The following ELP4 variants were observed in gnomAD, a reference collection of about 807,000 sequenced individuals.
The protein encoded by ELP4 is elongator complex protein 4.
ELP4 carries 51 observed loss-of-function variants against 48.9 expected under a neutral mutation model. The observed-to-expected ratio is 1.04, with a 90% CI of 0.83 to 1.32. ELP4 has a LOEUF of 1.32. Ranked by LOEUF, ELP4 falls within the 40% of genes most tolerant of loss-of-function variation. The pLI, the probability that ELP4 is intolerant of heterozygous loss-of-function variation, is 0.00. For synonymous variants in ELP4, 210 were observed against 189.2 expected (o/e 1.11, Z -0.90); for missense variants, 519 against 514.6 (o/e 1.01, Z -0.08).
chr11:31,750,129 G>A (rs1015388466), intron 9 of ELP4, among the ~76,000 whole-genome samples: 2 of 151,952 alleles, frequency 1.3e-5, no homozygotes, highest in African/African-American at 4.8e-5. Flanking sequence ...CTCCCAAAGT[G>A]CTGGGACTAT....
intron 9 of ELP4, chr11:31,714,793 T>C (rs1044174612): frequency 7.5e-6 from 3 of 398,444 alleles, no homozygotes; most frequent in Admixed American, 4.4e-5. Flanking sequence ...TGAGTCCTTA[T>C]GTTACCAACT....
chr11:31,783,590 T>C lies in ELP4; in HGVS notation c.*66T>C, dbSNP rs2134291345. On this transcript the variant is annotated 3_prime_UTR_variant, in exon 10 of 10. Coordinates refer to ENST00000640961, the MANE Select transcript of ELP4 (RefSeq NM_019040.5). ...TCTAATTATGATTGCTAATAGCTTA[T>C]GTAAATATTTTTCTTAACAATTTGA... 6.8e-7 allele frequency: 1 copy of C among 1,462,144 alleles called. No homozygotes were observed. The highest frequency in any genetic ancestry group is 2.1e-5 in the Admixed American group (1 of 47,838). 90.6% of individuals were successfully genotyped at this position (1,462,144 alleles called of 1,614,324 possible). A position where few individuals can be genotyped will look rare whatever the true frequency, so the allele number is the denominator to read the frequency against.
intron 9 of ELP4, among the ~76,000 whole-genome samples, chr11:31,703,021 A>G (rs2134159586): frequency 6.6e-6 from 1 of 152,328 alleles, no homozygotes; most frequent in South Asian, 2.1e-4. Flanking sequence ...ATGAGTTAAC[A>G]CACCAAAGCT....
At chr11:31,746,502 C>T (rs1455023738) in intron 9 of ELP4, among the ~76,000 whole-genome samples, 2 of 152,110 alleles carry the variant, frequency 1.3e-5, no homozygotes, top group African/African-American at 2.4e-5. Context: ...TGTCCAACAA[C>T]AATAGACTGG....
intron 9 of ELP4, among the ~76,000 whole-genome samples, chr11:31,748,681 TG>T (rs1394654036): frequency 4.6e-5 from 7 of 152,130 alleles, no homozygotes; most frequent in African/African-American, 1.7e-4. Flanking sequence ...CATTATAATA[TG>T]ACAGAAAAGG....
At chr11:31,621,673 C>T (rs1201511074) in intron 5 of ELP4, among the ~76,000 whole-genome samples, 1 of 151,800 alleles carries the variant, frequency 6.6e-6, no homozygotes. Flanking sequence ...CTTTATACAT[C>T]GTGTACCAAG....
intron 9 of ELP4, among the ~76,000 whole-genome samples, chr11:31,747,408 G>C (rs558707640): frequency 2.0e-5 from 3 of 152,256 alleles, no homozygotes; most frequent in East Asian, 3.9e-4. Flanking sequence ...ACCATAAAGT[G>C]TGGAGAGGGG....
intron 3 of ELP4, among the ~76,000 whole-genome samples, chr11:31,569,511 G>A (rs985055350): frequency 3.3e-5 from 5 of 152,154 alleles, no homozygotes; most frequent in Non-Finnish European, 1.5e-5. Flanking sequence ...AGCACTTTGG[G>A]AGGCCGAGGT....
At chr11:31,677,268 G>C (rs1368396777) in intron 9 of ELP4, among the ~76,000 whole-genome samples, 1 of 152,156 alleles carries the variant, frequency 6.6e-6, no homozygotes, top group East Asian at 1.9e-4. Flanking sequence ...GCAATTATGG[G>C]ACTCTCCCTT....
chr11:31,514,442 G>A (rs986422093), intron 1 of ELP4, among the ~76,000 whole-genome samples: 6 of 152,152 alleles, frequency 3.9e-5, no homozygotes, highest in Non-Finnish European at 7.4e-5. Flanking sequence ...CTGGGTGACA[G>A]TGAGACCCCA....
intron 5 of ELP4, among the ~76,000 whole-genome samples, chr11:31,611,971 T>G (rs1957988744): frequency 1.3e-5 from 2 of 152,186 alleles, no homozygotes; most frequent in Non-Finnish European, 2.9e-5. Flanking sequence ...CAATGGGCAC[T>G]GGGCCAAGAA....
chr11:31,729,189 G>A (rs750743807), intron 9 of ELP4, among the ~76,000 whole-genome samples: 5 of 152,094 alleles, frequency 3.3e-5, no homozygotes, highest in South Asian at 2.1e-4. Flanking sequence ...AAAGTTATAC[G>A]TGTAGTATAT....
intron 2 of ELP4, among the ~76,000 whole-genome samples, chr11:31,525,146 A>C (rs1355360032): frequency 6.6e-6 from 1 of 152,198 alleles, no homozygotes; most frequent in Non-Finnish European, 1.5e-5. Context: ...GTTGTAACAG[A>C]AACTGTATGA....
chr11:31,730,577 G>A (rs1242230562), intron 9 of ELP4, among the ~76,000 whole-genome samples: 2 of 152,150 alleles, frequency 1.3e-5, no homozygotes, highest in Non-Finnish European at 2.9e-5. Flanking sequence ...TCTGAGGGGA[G>A]CTGCCCAAGG....
chr11:31,569,596 G>T (rs1201106762), intron 3 of ELP4, among the ~76,000 whole-genome samples: 1 of 152,030 alleles, frequency 6.6e-6, no homozygotes, highest in Non-Finnish European at 1.5e-5. Context: ...GCATGTTGGT[G>T]CATCCTGTAA....
At chr11:31,675,180 G>A (rs572244424) in intron 9 of ELP4, among the ~76,000 whole-genome samples, 90 of 152,296 alleles carry the variant, frequency 5.9e-4, no homozygotes, top group Admixed American at 2.0e-3. Context: ...GGCAGGACAG[G>A]GAAGAGATTG....
intron 4 of ELP4, among the ~76,000 whole-genome samples, chr11:31,602,215 T>A (rs1326440952): frequency 6.6e-6 from 1 of 152,052 alleles, no homozygotes; most frequent in African/African-American, 2.4e-5. Context: ...AATAAAAAGA[T>A]GAGCTCTAGC....
At chr11:31,682,033 G>C (rs756025521) in intron 9 of ELP4, 4 of 1,289,932 alleles carry the variant, frequency 3.1e-6, no homozygotes, top group Non-Finnish European at 4.1e-6. Context: ...GAGCTACCGC[G>C]CCCGGCCTAG....
intron 9 of ELP4, among the ~76,000 whole-genome samples, chr11:31,733,919 A>G (rs966238778): frequency 1.2e-4 from 19 of 152,342 alleles, no homozygotes; most frequent in African/African-American, 4.6e-4. Flanking sequence ...ACAAGAAAAT[A>G]AAACTGTAGG....
Sources: allele counts gnomAD v4.1 joint callset (sites outside exome capture counted in the v4.1 genomes callset), GRCh38; gene constraint gnomAD v4.1.1; transcripts MANE v1.5; gene names NCBI Gene and HGNC (gene_info 2026-07-23, HGNC 2026-07-21).